CACNA2D2: variants seen among roughly 807,000 people sequenced by gnomAD.
CACNA2D2 encodes calcium voltage-gated channel auxiliary subunit alpha2delta 2, also known as voltage-dependent calcium channel subunit alpha-2/delta-2.
Under a neutral mutation model 166.4 loss-of-function variants are expected in CACNA2D2, and 48 were observed. The ratio of observed to expected loss-of-function variants is 0.29; its 90% CI spans 0.23 to 0.37. The LOEUF (loss-of-function observed/expected upper bound fraction) is 0.37, where lower values mean the gene tolerates loss of function less well. Among genes scored for constraint, CACNA2D2 ranks in the 10% least tolerant of loss-of-function variants. The pLI is 1.00. For missense variants in CACNA2D2, 1,122 were observed against 1,433.0 expected (o/e 0.78, Z 3.50); for synonymous variants, 561 against 573.7 (o/e 0.98, Z 0.32).
At chr3:50,436,599 G>C (rs1708361667) in intron 2 of CACNA2D2, among the ~76,000 whole-genome samples, 1 of 152,210 alleles carries the variant, frequency 6.6e-6, no homozygotes, top group Non-Finnish European at 1.5e-5. Context: ...CTCCGTGACT[G>C]ATCTATTAAA....
chr3:50,437,882 G>A (rs1316652207), intron 2 of CACNA2D2, among the ~76,000 whole-genome samples: 1 of 152,202 alleles, frequency 6.6e-6, no homozygotes, highest in Non-Finnish European at 1.5e-5. Flanking sequence ...GGATGGCAAT[G>A]CCCACTGATG....
At chr3:50,432,126 C>T (rs1708100554) in intron 3 of CACNA2D2, among the ~76,000 whole-genome samples, 1 of 152,036 alleles carries the variant, frequency 6.6e-6, no homozygotes, top group Non-Finnish European at 1.5e-5. Context: ...AAGGGGGGTG[C>T]AGGGAGAGGG....
intron 1 of CACNA2D2, among the ~76,000 whole-genome samples, chr3:50,486,752 A>G (rs565395012): frequency 6.6e-6 from 1 of 152,330 alleles, no homozygotes; most frequent in African/African-American, 2.4e-5. Context: ...CTGGGGCTGC[A>G]GCCTAGTCCC....
At chr3:50,434,279 G>A in intron 3 of CACNA2D2, 34 bp downstream of exon 3, 1 of 1,497,904 alleles carries the variant, frequency 6.7e-7, no homozygotes, top group East Asian at 2.3e-5. Flanking sequence ...CCCTCCCTCA[G>A]TGCCGCCCCC....
chr3:50,482,030 A>C (rs953844405), intron 1 of CACNA2D2, among the ~76,000 whole-genome samples: 2 of 152,142 alleles, frequency 1.3e-5, no homozygotes, highest in Non-Finnish European at 2.9e-5. Context: ...ATAAAGTGCT[A>C]CTTAATTATT....
intron 1 of CACNA2D2, among the ~76,000 whole-genome samples, chr3:50,478,535 G>A (rs963085231): frequency 1.3e-5 from 2 of 152,334 alleles, no homozygotes; most frequent in Middle Eastern, 3.4e-3. Flanking sequence ...CATTATGTGC[G>A]AGGGCATCCA....
chr3:50,461,599 A>T (rs1272517921), intron 2 of CACNA2D2, among the ~76,000 whole-genome samples: 1 of 152,094 alleles, frequency 6.6e-6, no homozygotes, highest in Admixed American at 6.6e-5. Context: ...CATCTCTACT[A>T]AAAATACAAA....
In CACNA2D2 at chr3:50,364,548, G is replaced by A; in HGVS notation, c.*118C>T. The A allele has an allele frequency of 3.2e-6, 4 of 1,266,782 alleles. No homozygotes were observed. The highest frequency in any genetic ancestry group is 4.2e-6 in the Non-Finnish European group (4 of 945,684). 78.5% of individuals were successfully genotyped at this position (1,266,782 alleles called of 1,614,324 possible). Reference sequence around the variant, plus strand: ...AGACCAGACTCTCAGGGCCTGGCCAGCTCAGGTCCTTCAGTGAGGGAGGGA... The same window carrying A: ...AGACCAGACTCTCAGGGCCTGGCCAACTCAGGTCCTTCAGTGAGGGAGGGA... On this transcript the variant is annotated 3_prime_UTR_variant, in exon 38 of 38. Coordinates refer to ENST00000424201, the MANE Select transcript of CACNA2D2 (RefSeq NM_006030.4).
intron 4 of CACNA2D2, among the ~76,000 whole-genome samples, chr3:50,392,664 G>A (rs1226655728): frequency 6.6e-6 from 1 of 152,168 alleles, no homozygotes; most frequent in Non-Finnish European, 1.5e-5. Context: ...TGCCATCAGC[G>A]GCTTGGCACC....
chr3:50,376,090 C>T lies in CACNA2D2; in HGVS notation c.1701+24G>A. On this transcript the variant is annotated intron_variant, in intron 18 of 37. Transcript: ENST00000424201. This position sits in a 1 kb window ranked among gnomAD's most constrained non-coding sequence, Gnocchi z 4.3. Reference sequence around the variant, plus strand: ...CCCCATTGTGGAAGGTTTGCCCACCCTCCAGGCCACCCGTCTGGCTCACCT... The same window carrying T: ...CCCCATTGTGGAAGGTTTGCCCACCTTCCAGGCCACCCGTCTGGCTCACCT... 6.2e-7 allele frequency: 1 copy of T among 1,613,364 alleles called. No individual in the cohort carries two copies. Among genetic ancestry groups the T allele is most frequent in the South Asian group, 1.1e-5 (1 of 91,082 alleles).
intron 2 of CACNA2D2, among the ~76,000 whole-genome samples, chr3:50,470,661 C>T (rs1173335641): frequency 3.3e-5 from 5 of 151,734 alleles, no homozygotes; most frequent in African/African-American, 1.2e-4. Context: ...TGTGTCTCCC[C>T]ACACAGTGCT....
At chr3:50,502,625 A>C (rs566053079) in intron 1 of CACNA2D2, among the ~76,000 whole-genome samples, 3 of 152,312 alleles carry the variant, frequency 2.0e-5, no homozygotes, top group African/African-American at 7.2e-5. Context: ...TGGGCTCTCC[A>C]GGGTACTCTC....
At chr3:50,407,054 G>A (rs1347341370) in intron 3 of CACNA2D2, among the ~76,000 whole-genome samples, 1 of 151,818 alleles carries the variant, frequency 6.6e-6, no homozygotes, top group Non-Finnish European at 1.5e-5. Flanking sequence ...CTAGGTGCTT[G>A]ATCTAGGTAT....
intron 2 of CACNA2D2, among the ~76,000 whole-genome samples, chr3:50,443,531 C>T (rs763967237): frequency 1.3e-5 from 2 of 152,232 alleles, no homozygotes; most frequent in Non-Finnish European, 1.5e-5. Context: ...AGTTCCAGGC[C>T]CCCGCTGCCG....
chr3:50,502,598 C>G (rs1216926532), intron 1 of CACNA2D2, among the ~76,000 whole-genome samples: 1 of 152,224 alleles, frequency 6.6e-6, no homozygotes, highest in Non-Finnish European at 1.5e-5. Flanking sequence ...CGGACCCCAA[C>G]GCCTTCACCT....
intron 5 of CACNA2D2, 61 bp from the exon 6 acceptor site, chr3:50,384,398 G>A: frequency 6.3e-7 from 1 of 1,589,362 alleles, no homozygotes; most frequent in Non-Finnish European, 8.6e-7. Flanking sequence ...GGGTTGTAGA[G>A]GCCTGCAAGT....
At chr3:50,491,036 T>C (rs1177258187) in intron 1 of CACNA2D2, among the ~76,000 whole-genome samples, 1 of 152,164 alleles carries the variant, frequency 6.6e-6, no homozygotes, top group Non-Finnish European at 1.5e-5. Flanking sequence ...TCCTCCATGC[T>C]GAGTGCTTGC....
intron 2 of CACNA2D2, among the ~76,000 whole-genome samples, chr3:50,442,016 G>A (rs916896244): frequency 3.9e-5 from 6 of 152,230 alleles, no homozygotes; most frequent in Admixed American, 6.5e-5. Flanking sequence ...CCCATCATTA[G>A]CAAGCACCGT....
intron 2 of CACNA2D2, among the ~76,000 whole-genome samples, chr3:50,435,987 TTAGAG>T (rs1708303186): frequency 6.6e-6 from 1 of 152,040 alleles, no homozygotes; most frequent in Non-Finnish European, 1.5e-5. Context: ...GGAGACAGTG[TTAGAG>T]ACACAGGGTG....
Sources: allele counts gnomAD v4.1 joint callset (sites outside exome capture counted in the v4.1 genomes callset), GRCh38; gene constraint gnomAD v4.1.1; non-coding constraint Gnocchi (gnomAD v3.1); transcripts MANE v1.5; gene names NCBI Gene and HGNC (gene_info 2026-07-23, HGNC 2026-07-21).